Variants in ACO2 observed in about 807,000 individuals in gnomAD.
ACO2 encodes the protein aconitase 2.
In ACO2, 31 loss-of-function variants were observed where a neutral mutation model predicts 84.5. The ratio of observed to expected loss-of-function variants is 0.37; its 90% CI spans 0.28 to 0.50. The LOEUF (loss-of-function observed/expected upper bound fraction) is 0.50, where lower values mean the gene tolerates loss of function less well. Ranked by LOEUF, ACO2 falls within the 20% of genes least tolerant of loss-of-function variation. The pLI is 0.97. For synonymous variants in ACO2, 414 were observed against 412.7 expected (o/e 1.00, Z -0.04); for missense variants, 685 against 1,029.3 (o/e 0.67, Z 4.58).
chr22:41,477,387 C>G (rs895087814), intron 1 of ACO2, among the ~76,000 whole-genome samples: 2 of 151,564 alleles, frequency 1.3e-5, no homozygotes, highest in African/African-American at 4.8e-5. Flanking sequence ...TCTCAATCTC[C>G]TGACCTTGTG....
chr22:41,525,998 C>T (rs1354896855), intron 14 of ACO2: 1 of 410,290 alleles, frequency 2.4e-6, no homozygotes, highest in Non-Finnish European at 4.4e-6. Context: ...GAACATTGAC[C>T]TGTCCCAACT....
intron 1 of ACO2, among the ~76,000 whole-genome samples, chr22:41,473,726 C>T (rs1236958217): frequency 6.6e-6 from 1 of 152,094 alleles, no homozygotes; most frequent in Admixed American, 6.6e-5. Context: ...GGGAAGACCT[C>T]GTAGAAGAGG....
chr22:41,525,999 T>C, intron 14 of ACO2: 1 of 410,630 alleles, frequency 2.4e-6, no homozygotes, highest in Non-Finnish European at 4.4e-6. Flanking sequence ...AACATTGACC[T>C]GTCCCAACTT....
At position 41,526,360 on chromosome 22, in the gene ACO2, T is replaced by C. The variant is rs1441596770; in HGVS notation, c.1860T>C (p.Gly620=). The C allele has an allele frequency of 6.2e-7, 1 of 1,613,668 alleles. No homozygotes were observed. Among genetic ancestry groups the C allele is most frequent in the South Asian group, 1.1e-5 (1 of 91,054 alleles). The part of the protein sequence containing the change: ...LDNISNNLLI[G]AINIENGKAN... ...ACATCTCCAACAACCTGCTCATTGG[T>C]GCCATCAACATTGAAAACGGCAAGG... Residue 620 remains glycine, a synonymous_variant, in exon 15 of 18, where the codon GGT becomes GGC. Coordinates refer to ENST00000216254, the MANE Select transcript of ACO2 (RefSeq NM_001098.3).
intron 1 of ACO2, among the ~76,000 whole-genome samples, chr22:41,478,598 C>T (rs1021996945): frequency 6.6e-6 from 1 of 152,122 alleles, no homozygotes; most frequent in African/African-American, 2.4e-5. Context: ...ATATTCAAGT[C>T]TAGGCCCTTG....
Position 41,528,633 on chromosome 22 carries a change from C to T in ACO2, c.*20C>T, listed in dbSNP as rs767857092. 1.1e-5 allele frequency: 17 copies of T among 1,583,320 alleles called. No individual in the cohort carries two copies. The highest frequency in any genetic ancestry group is 3.5e-5 in the South Asian group (3 of 86,200). On this transcript the variant is annotated 3_prime_UTR_variant, in exon 18 of 18. Transcript: ENST00000216254. ...CAGTGAGGGCAGTGCCTCCCCGCCC[C>T]GCCGCTGGCGTCAAGTTCAGCTCCA...
intron 2 of ACO2, among the ~76,000 whole-genome samples, chr22:41,501,103 G>T (rs1569010483): frequency 6.6e-6 from 1 of 151,944 alleles, no homozygotes; most frequent in African/African-American, 2.4e-5. Flanking sequence ...TCTTGGGTTT[G>T]AGTGATCCTC....
chr22:41,486,006 T>G (rs948312724), intron 1 of ACO2, among the ~76,000 whole-genome samples: 1 of 152,172 alleles, frequency 6.6e-6, no homozygotes, highest in Non-Finnish European at 1.5e-5. Context: ...AATGCCTGGT[T>G]GCCCTCTGCG....
intron 14 of ACO2, 24 bp from the exon 15 acceptor site, chr22:41,526,238 T>C (rs1569023750): frequency 1.2e-6 from 2 of 1,604,528 alleles, no homozygotes; most frequent in East Asian, 2.2e-5. Context: ...CCCTGACCTC[T>C]GTCCTCTCTA....
At chr22:41,523,795 A>G (rs2066547783) in intron 11 of ACO2, 35 bp from the exon 12 acceptor site, 1 of 1,576,204 alleles carries the variant, frequency 6.3e-7, no homozygotes, top group African/African-American at 1.3e-5. Context: ...TGACAAGGCC[A>G]GATATCCCTA....
At chr22:41,470,784 C>T (rs1315207741) in intron 1 of ACO2, among the ~76,000 whole-genome samples, 2 of 152,122 alleles carry the variant, frequency 1.3e-5, no homozygotes, top group Admixed American at 6.6e-5. Flanking sequence ...CTCAAGTAAT[C>T]GGCCTGCCTT....
intron 12 of ACO2, 39 bp downstream of exon 12, chr22:41,523,980 CTG>C: frequency 6.3e-7 from 1 of 1,577,542 alleles, no homozygotes; most frequent in Non-Finnish European, 8.7e-7. Flanking sequence ...GGGATGGCCT[CTG>C]GGGGTCCCTG....
intron 12 of ACO2, 73 bp downstream of exon 12, chr22:41,524,014 A>G (rs559713390): frequency 9.7e-6 from 13 of 1,336,480 alleles, no homozygotes; most frequent in South Asian, 4.8e-5. Flanking sequence ...GAGGAGGCAG[A>G]AGGAGATGGG....
chr22:41,483,926 T>C (rs781220508), intron 1 of ACO2, among the ~76,000 whole-genome samples: 5 of 152,156 alleles, frequency 3.3e-5, no homozygotes, highest in Non-Finnish European at 7.3e-5. Context: ...AGAGAGGTAT[T>C]AGACCTTATG....
chr22:41,520,906 G>A (rs1266272396), intron 9 of ACO2, among the ~76,000 whole-genome samples: 1 of 151,494 alleles, frequency 6.6e-6, no homozygotes, highest in Non-Finnish European at 1.5e-5. Flanking sequence ...TACTCAGGAG[G>A]CTAAGGTGGG....
At chr22:41,516,929 C>T (rs182525057) in intron 6 of ACO2, among the ~76,000 whole-genome samples, 155 of 151,968 alleles carry the variant, frequency 1.0e-3, no homozygotes, top group African/African-American at 3.6e-3. Context: ...GGGTTTTCAC[C>T]ATGTTGGCCA....
At chr22:41,494,017 C>T (rs1455149521) in intron 1 of ACO2, among the ~76,000 whole-genome samples, 2 of 152,174 alleles carry the variant, frequency 1.3e-5, no homozygotes, top group East Asian at 3.8e-4. Context: ...TGAGATCACA[C>T]CAGACAGCAC....
At chr22:41,519,419 G>A (rs2066503084) in intron 8 of ACO2, among the ~76,000 whole-genome samples, 1 of 152,182 alleles carries the variant, frequency 6.6e-6, no homozygotes, top group African/African-American at 2.4e-5. Flanking sequence ...CACTGACGGA[G>A]GTTTACTGCA....
rs186213189 is a variant in ACO2, at chr22:41,520,398, G to A, written c.1138+122G>A. On this transcript the variant is annotated intron_variant, in intron 9 of 17. Coordinates refer to ENST00000216254, the MANE Select transcript of ACO2 (RefSeq NM_001098.3). ...CTAAGGTGGGCAGTTTCTGAAATGG[G>A]TTTATTATTGAAAAATTACTTTTTC... is the stretch of plus-strand genomic sequence containing the variant. 7 of 694,788 alleles carry A rather than the reference G, an allele frequency of 1.0e-5. No homozygotes were observed. The East Asian group carries it at 1.4e-4, about 14-fold the overall frequency. The allele number at this position is 694,788 out of a possible 1,614,324, so 43.0% of individuals were successfully genotyped here.
Sources: gnomAD v4.1 joint callset for allele counts (sites outside exome capture counted in the v4.1 genomes callset) on GRCh38, gnomAD v4.1.1 for gene constraint, MANE v1.5 for transcripts, NCBI Gene and HGNC (gene_info 2026-07-23, HGNC 2026-07-21) for gene names.